The following GRM3 variants were observed in gnomAD, a reference collection of about 807,000 sequenced individuals.
GRM3 encodes metabotropic glutamate receptor 3.
GRM3 carries 26 observed loss-of-function variants against 70.5 expected under a neutral mutation model. The ratio of observed to expected loss-of-function variants is 0.37; its 90% CI spans 0.27 to 0.51. The LOEUF (loss-of-function observed/expected upper bound fraction) is 0.51, where lower values mean the gene tolerates loss of function less well. Among genes scored for constraint, GRM3 ranks in the 20% least tolerant of loss-of-function variants. The pLI is 0.93. For synonymous variants in GRM3, 443 were observed against 434.9 expected (o/e 1.02, Z -0.23); for missense variants, 859 against 1,123.8 (o/e 0.76, Z 3.37).
chr7:86,843,335 A>G (rs1798593072), intron 4 of GRM3, among the ~76,000 whole-genome samples: 2 of 152,200 alleles, frequency 1.3e-5, no homozygotes, highest in Admixed American at 1.3e-4. Flanking sequence ...CATGCCCTTC[A>G]TACTGTACCA....
chr7:86,691,360 A>G (rs1794692956), intron 1 of GRM3, among the ~76,000 whole-genome samples: 2 of 151,862 alleles, frequency 1.3e-5, no homozygotes, highest in Non-Finnish European at 2.9e-5. Flanking sequence ...CTTTTTTTTT[A>G]GCATGTCAAA....
chr7:86,692,973 G>A (rs776068778), intron 1 of GRM3, among the ~76,000 whole-genome samples: 29 of 152,162 alleles, frequency 1.9e-4, no homozygotes, highest in African/African-American at 3.6e-4. Flanking sequence ...GGACAGATCC[G>A]TCATGAAATG....
At chr7:86,823,608 CG>C (rs377257594) in intron 3 of GRM3, among the ~76,000 whole-genome samples, 18 of 44,618 alleles carry the variant, frequency 4.0e-4, no homozygotes, top group East Asian at 3.4e-3. Flanking sequence ...TTTTTTTTGG[CG>C]GGGGGGGATT....
intron 1 of GRM3, among the ~76,000 whole-genome samples, chr7:86,701,531 A>G (rs1019999041): frequency 1.3e-5 from 2 of 151,958 alleles, no homozygotes; most frequent in African/African-American, 4.8e-5. Flanking sequence ...TTTTCAACAT[A>G]TATTTCCTTT....
At chr7:86,698,335 A>T (rs1794872291) in intron 1 of GRM3, among the ~76,000 whole-genome samples, 2 of 152,038 alleles carry the variant, frequency 1.3e-5, no homozygotes, top group South Asian at 4.1e-4. Context: ...CTTATTAAAG[A>T]AGTCCCTTCC....
intron 1 of GRM3, among the ~76,000 whole-genome samples, chr7:86,691,636 A>G (rs1289244428): frequency 1.3e-5 from 2 of 152,210 alleles, no homozygotes; most frequent in African/African-American, 4.8e-5. Flanking sequence ...GTGATTAGAC[A>G]TTAGAGCTCT....
chr7:86,709,735 T>C (rs1004579220), intron 1 of GRM3, among the ~76,000 whole-genome samples: 1 of 152,116 alleles, frequency 6.6e-6, no homozygotes. Context: ...TTCTATAAAT[T>C]GTACAGATCT....
At chr7:86,681,916 C>G (rs1440420613) in intron 1 of GRM3, among the ~76,000 whole-genome samples, 1 of 152,150 alleles carries the variant, frequency 6.6e-6, no homozygotes, top group Non-Finnish European at 1.5e-5. Flanking sequence ...ATATTCACAT[C>G]CCTGTGTTAG....
intron 1 of GRM3, among the ~76,000 whole-genome samples, chr7:86,716,475 C>A (rs1223133292): frequency 5.3e-5 from 8 of 151,828 alleles, no homozygotes. Context: ...AAATGAAAAA[C>A]TTGGAATTCA....
chr7:86,735,991 G>A (rs1795848465), intron 1 of GRM3, among the ~76,000 whole-genome samples: 1 of 152,154 alleles, frequency 6.6e-6, no homozygotes, highest in African/African-American at 2.4e-5. Flanking sequence ...AGGCTGTATG[G>A]TCATTAAGCA....
chr7:86,778,001 A>G (rs1331656726), intron 2 of GRM3, among the ~76,000 whole-genome samples: 3 of 152,202 alleles, frequency 2.0e-5, no homozygotes, highest in East Asian at 1.9e-4. Context: ...TTCCAGGCAC[A>G]TATATAAGCA....
chr7:86,847,340 G>C (rs1798673766), intron 4 of GRM3, among the ~76,000 whole-genome samples: 1 of 152,152 alleles, frequency 6.6e-6, no homozygotes, highest in African/African-American at 2.4e-5. Context: ...GTCAAGGATG[G>C]TCTTTGGCTT....
intron 1 of GRM3, among the ~76,000 whole-genome samples, chr7:86,717,994 A>G (rs1239420318): frequency 6.6e-6 from 1 of 150,786 alleles, no homozygotes; most frequent in East Asian, 2.0e-4. Flanking sequence ...GTGTTCATTT[A>G]CTAGAGGCCT....
chr7:86,731,514 G>A (rs1795733995), intron 1 of GRM3, among the ~76,000 whole-genome samples: 1 of 152,066 alleles, frequency 6.6e-6, no homozygotes, highest in Non-Finnish European at 1.5e-5. Context: ...AATTTTACAT[G>A]GTTTAACCTA....
intron 2 of GRM3, among the ~76,000 whole-genome samples, chr7:86,783,401 A>G (rs1797129346): frequency 1.3e-5 from 2 of 152,160 alleles, no homozygotes; most frequent in Admixed American, 6.5e-5. Context: ...TTCTAACCAT[A>G]TGGCTATGAA....
At chr7:86,646,828 A>C (rs1346060599) in intron 1 of GRM3, among the ~76,000 whole-genome samples, 2 of 152,192 alleles carry the variant, frequency 1.3e-5, no homozygotes, top group African/African-American at 2.4e-5. Context: ...CACACACACA[A>C]AAAAATCTTA....
chr7:86,713,170 G>A (rs1485646343), intron 1 of GRM3, among the ~76,000 whole-genome samples: 5 of 151,942 alleles, frequency 3.3e-5, no homozygotes, highest in Admixed American at 1.3e-4. Flanking sequence ...GATAAGAGCC[G>A]TTTTAACCGG....
chr7:86,758,957 A>G (rs1796415080), intron 1 of GRM3, among the ~76,000 whole-genome samples: 1 of 152,098 alleles, frequency 6.6e-6, no homozygotes, highest in Non-Finnish European at 1.5e-5. Context: ...AAATAGGTTT[A>G]TATAAGAGGG....
At chr7:86,828,061 G>C (rs1021109099) in intron 3 of GRM3, among the ~76,000 whole-genome samples, 1 of 142,134 alleles carries the variant, frequency 7.0e-6, no homozygotes, top group African/African-American at 2.6e-5. Context: ...GCAGTGAGCC[G>C]AGATCGTGCC....
Sources: allele counts gnomAD v4.1 joint callset (sites outside exome capture counted in the v4.1 genomes callset), GRCh38; gene constraint gnomAD v4.1.1; transcripts MANE v1.5; gene names NCBI Gene and HGNC (gene_info 2026-07-23, HGNC 2026-07-21).